The following ADAM10 variants were observed in gnomAD, a reference collection of about 807,000 sequenced individuals.
The protein encoded by ADAM10 is ADAM metallopeptidase domain 10, also known as disintegrin and metalloproteinase domain-containing protein 10.
In ADAM10, 17 loss-of-function variants were observed where a neutral mutation model predicts 90.1. The observed-to-expected ratio is 0.19, with a 90% CI of 0.13 to 0.28. The LOEUF (loss-of-function observed/expected upper bound fraction) is 0.28. Ranked by LOEUF, ADAM10 falls within the 10% of genes least tolerant of loss-of-function variation. The pLI is 1.00. For missense variants in ADAM10, 610 were observed against 914.3 expected, an observed-to-expected ratio of 0.67 and a Z score of 4.29; for synonymous variants, 310 against 298.6, an observed-to-expected ratio of 1.04 and a Z score of -0.40.
At chr15:58,666,481 G>C (rs1897085350) in intron 4 of ADAM10, among the ~76,000 whole-genome samples, 1 of 151,770 alleles carries the variant, frequency 6.6e-6, no homozygotes, top group Non-Finnish European at 1.5e-5. Context: ...CATTCACCTA[G>C]TTAACACCAG....
intron 2 of ADAM10, among the ~76,000 whole-genome samples, chr15:58,695,774 A>G (rs1033521023): frequency 1.3e-5 from 2 of 152,122 alleles, no homozygotes; most frequent in African/African-American, 4.8e-5. Context: ...TGAGGTCAGG[A>G]GTTCAAGATC....
chr15:58,703,056 C>A (rs879883258), intron 2 of ADAM10, among the ~76,000 whole-genome samples: 4 of 152,054 alleles, frequency 2.6e-5, no homozygotes, highest in Non-Finnish European at 4.4e-5. Context: ...AAATGTAAAT[C>A]TTTGCAATAT....
intron 10 of ADAM10, among the ~76,000 whole-genome samples, chr15:58,627,011 G>A (rs1309846851): frequency 1.3e-5 from 2 of 152,102 alleles, no homozygotes; most frequent in African/African-American, 4.8e-5. Flanking sequence ...TAATTTCATA[G>A]TAACTTTATT....
At chr15:58,705,787 G>A (rs2140797657) in intron 2 of ADAM10, among the ~76,000 whole-genome samples, 1 of 152,328 alleles carries the variant, frequency 6.6e-6, no homozygotes, top group Admixed American at 6.5e-5. Flanking sequence ...GTTATCCACA[G>A]TCAACTGTGG....
At chr15:58,681,154 G>A (rs1488384317) in intron 3 of ADAM10, among the ~76,000 whole-genome samples, 1 of 151,974 alleles carries the variant, frequency 6.6e-6, no homozygotes, top group South Asian at 2.1e-4. Flanking sequence ...TTACGGCCTC[G>A]GACTTTTCTT....
At chr15:58,730,480 A>G (rs773391377) in intron 1 of ADAM10, among the ~76,000 whole-genome samples, 9 of 151,388 alleles carry the variant, frequency 5.9e-5, no homozygotes, top group Non-Finnish European at 1.3e-4. Context: ...AGTCACTTAA[A>G]CACTTAGTTT....
chr15:58,660,330 C>T (rs1252227243), intron 5 of ADAM10, among the ~76,000 whole-genome samples: 2 of 152,000 alleles, frequency 1.3e-5, no homozygotes, highest in Non-Finnish European at 2.9e-5. Context: ...ACAAGCTGGG[C>T]CTACAAGAGT....
chr15:58,708,940 G>A (rs960736139), intron 2 of ADAM10, among the ~76,000 whole-genome samples: 8 of 152,134 alleles, frequency 5.3e-5, no homozygotes, highest in African/African-American at 1.4e-4. Context: ...ACAATTAACT[G>A]AAGAATAAGT....
chr15:58,601,601 A>C (rs772261716), intron 14 of ADAM10, among the ~76,000 whole-genome samples: 4 of 152,196 alleles, frequency 2.6e-5, no homozygotes, highest in Non-Finnish European at 5.9e-5. Context: ...TTCCTAGATA[A>C]CAAGACAATC....
chr15:58,715,738 C>T (rs1219961298), intron 2 of ADAM10, among the ~76,000 whole-genome samples: 1 of 152,168 alleles, frequency 6.6e-6, no homozygotes, highest in Admixed American at 6.5e-5. Flanking sequence ...CTCGCTTTCC[C>T]TGCTCTCTCT....
intron 14 of ADAM10, among the ~76,000 whole-genome samples, chr15:58,605,543 G>A (rs1394471582): frequency 6.6e-6 from 1 of 152,144 alleles, no homozygotes; most frequent in African/African-American, 2.4e-5. Context: ...AACTAGGGTA[G>A]TAAATGTAAA....
At chr15:58,743,088 G>A (rs1392889963) in intron 1 of ADAM10, among the ~76,000 whole-genome samples, 1 of 151,774 alleles carries the variant, frequency 6.6e-6, no homozygotes, top group Non-Finnish European at 1.5e-5. Flanking sequence ...CAAAAACCTG[G>A]GCCTCTTTAC....
intron 2 of ADAM10, 124 bp downstream of exon 2, chr15:58,717,453 T>G: frequency 8.1e-7 from 1 of 1,241,544 alleles, no homozygotes; most frequent in Non-Finnish European, 1.1e-6. Flanking sequence ...CAAATTCCAG[T>G]GGAAATGGAA....
intron 2 of ADAM10, among the ~76,000 whole-genome samples, chr15:58,690,141 C>T (rs1897738233): frequency 6.6e-6 from 1 of 152,254 alleles, no homozygotes; most frequent in East Asian, 1.9e-4. Context: ...AGAAAAGCCA[C>T]AAAATCATCT....
chr15:58,651,124 G>C (rs1236303850), intron 5 of ADAM10, among the ~76,000 whole-genome samples: 1 of 151,604 alleles, frequency 6.6e-6, no homozygotes, highest in Admixed American at 6.6e-5. Flanking sequence ...TAAATTTTGT[G>C]AATACATAGG....
chr15:58,630,251 A>C (rs1300282196), intron 9 of ADAM10, among the ~76,000 whole-genome samples: 10 of 152,294 alleles, frequency 6.6e-5, no homozygotes, highest in Admixed American at 5.2e-4. Context: ...ATATTTTCTT[A>C]ATTTTTATTA....
Position 58,611,120 on chromosome 15 carries a change from TAA to T in ADAM10, c.1696-15_1696-14del. ...AACCTGCACATTGCTAGAAGAAAAA[TAA>T]AAGACAAATTGTTTAATCCCTATAC... On this transcript the variant is annotated splice_polypyrimidine_tract_variant and intron_variant, in intron 12 of 15. Transcript: ENST00000260408. 1 of 1,596,984 alleles carries T rather than the reference TAA, an allele frequency of 6.3e-7. No homozygotes were observed. Among genetic ancestry groups the T allele is most frequent in the African/African-American group, 1.3e-5 (1 of 74,656 alleles).
intron 5 of ADAM10, among the ~76,000 whole-genome samples, chr15:58,652,526 C>T (rs1422128500): frequency 1.3e-5 from 2 of 152,064 alleles, no homozygotes; most frequent in Non-Finnish European, 2.9e-5. Flanking sequence ...GTTTTTGGCA[C>T]CATTGTAAAA....
chr15:58,666,671 CA>C (rs201189417), intron 4 of ADAM10, among the ~76,000 whole-genome samples: 50 of 149,454 alleles, frequency 3.3e-4, no homozygotes, highest in African/African-American at 1.1e-3. Context: ...TATAGGGGAA[CA>C]AAAAAAAACA....
Sources: gnomAD v4.1 joint callset for allele counts (sites outside exome capture counted in the v4.1 genomes callset) on GRCh38, gnomAD v4.1.1 for gene constraint, MANE v1.5 for transcripts, NCBI Gene and HGNC (gene_info 2026-07-23, HGNC 2026-07-21) for gene names.